FBN2: variants seen among roughly 807,000 people sequenced by gnomAD.
FBN2 encodes the protein fibrillin-2.
FBN2 carries 105 observed loss-of-function variants against 355.6 expected under a neutral mutation model. The observed-to-expected ratio is 0.30, with a 90% CI of 0.25 to 0.35. The LOEUF (loss-of-function observed/expected upper bound fraction) is 0.35, where lower values mean the gene tolerates loss of function less well. Ranked by LOEUF, FBN2 falls within the 10% of genes least tolerant of loss-of-function variation. The pLI is 1.00. For synonymous variants in FBN2, 1,350 were observed against 1,301.2 expected, an observed-to-expected ratio of 1.04 and a Z score of -0.81; for missense variants, 3,280 against 3,758.7, an observed-to-expected ratio of 0.87 and a Z score of 3.33.
At chr5:128,474,178 T>A (rs534164954) in intron 5 of FBN2, among the ~76,000 whole-genome samples, 66 of 152,296 alleles carry the variant, frequency 4.3e-4, no homozygotes, top group African/African-American at 1.5e-3. Flanking sequence ...GCAAAACCAA[T>A]TAACTTACTT....
intron 6 of FBN2, 67 bp downstream of exon 6, chr5:128,464,657 C>T: frequency 1.3e-6 from 2 of 1,546,428 alleles, no homozygotes; most frequent in Non-Finnish European, 1.8e-6. Context: ...GTGCCAGATT[C>T]TCCAACTCCA....
Position 128,537,360 on chromosome 5 carries a change from C to T in FBN2, c.244G>A (p.Val82Met), listed in dbSNP as rs550387143. ...SRVRRRGQQDVLRGPNVCGSR... is the reference protein window; with the variant it reads ...SRVRRRGQQDMLRGPNVCGSR... ...CGCTTGCCCACTTACCCTCGGAGCACGTCCTGCTGTCCTCGCCGGCGGACG... is the reference window on the plus strand; with the variant it reads ...CGCTTGCCCACTTACCCTCGGAGCATGTCCTGCTGTCCTCGCCGGCGGACG... The change falls in exon 1 of 65, where the codon GTG becomes ATG. Residue 82 changes from valine (V) to methionine (M), a missense_variant. This residue lies in a region of FBN2 where 203 missense variants were observed against 142.2 expected (regional missense o/e 1.43). Coordinates refer to ENST00000262464, the MANE Select transcript of FBN2 (RefSeq NM_001999.4). 17 of 1,610,626 alleles carry T rather than the reference C, an allele frequency of 1.1e-5. No homozygotes were observed. In the East Asian group the frequency reaches 3.3e-4, roughly 32 times the overall value.
rs1554120359 is a variant in FBN2 at position 128,311,415 on chromosome 5, T to G, written c.4959A>C (p.Glu1653Asp). Residue 1653 changes from glutamate (E) to aspartate (D), a missense_variant, in exon 39 of 65, where the codon GAA (glutamate) becomes GAC (aspartate). Coordinates refer to ENST00000262464, the MANE Select transcript of FBN2 (RefSeq NM_001999.4). ...GGCAGAGACCTGGTAACTCCTGGCA[T>G]TCGTCAATGTCTACAAAAAGGGAGA... ...PITIILEDID[E>D]CQELPGLCQG... 1.9e-6 allele frequency: 3 copies of G among 1,614,134 alleles called. No homozygotes were observed. Among genetic ancestry groups the G allele is most frequent in the Non-Finnish European group, 2.5e-6 (3 of 1,180,004 alleles).
At chr5:128,506,591 T>A (rs1755968609) in intron 5 of FBN2, among the ~76,000 whole-genome samples, 1 of 152,152 alleles carries the variant, frequency 6.6e-6, no homozygotes, top group Non-Finnish European at 1.5e-5. Context: ...AATAACATCA[T>A]CTACAAGTAA....
At chr5:128,421,716 G>C (rs1183907122) in intron 7 of FBN2, among the ~76,000 whole-genome samples, 1 of 152,092 alleles carries the variant, frequency 6.6e-6, no homozygotes, top group Non-Finnish European at 1.5e-5. Flanking sequence ...TTTGAAAGAA[G>C]GGAAGCAAGT....
intron 7 of FBN2, among the ~76,000 whole-genome samples, chr5:128,439,065 T>C (rs1753849005): frequency 6.6e-6 from 1 of 152,194 alleles, no homozygotes; most frequent in Admixed American, 6.5e-5. Context: ...TTTATATCAA[T>C]ATATAAAGTG....
chr5:128,316,479 G>A (rs1218933412), intron 36 of FBN2, among the ~76,000 whole-genome samples: 1 of 152,146 alleles, frequency 6.6e-6, no homozygotes, highest in Non-Finnish European at 1.5e-5. Context: ...ATGAGTGAAC[G>A]CAATAAAGTG....
intron 5 of FBN2, among the ~76,000 whole-genome samples, chr5:128,507,285 C>T (rs1436210796): frequency 5.9e-5 from 9 of 151,922 alleles, no homozygotes; most frequent in Non-Finnish European, 1.3e-4. Flanking sequence ...TTACAGCAGT[C>T]CCTTAGTATC....
At chr5:128,510,521 G>C (rs1756084859) in intron 5 of FBN2, among the ~76,000 whole-genome samples, 1 of 152,120 alleles carries the variant, frequency 6.6e-6, no homozygotes, top group African/African-American at 2.4e-5. Context: ...CATATATTCT[G>C]TTCTGTGTTT....
chr5:128,394,967 G>A (rs554359857), intron 9 of FBN2, among the ~76,000 whole-genome samples, 155 bp downstream of exon 9: 2 of 152,124 alleles, frequency 1.3e-5, no homozygotes, highest in Admixed American at 6.5e-5. Context: ...TGTATTTTTT[G>A]TAGAGACAGG....
chr5:128,408,408 T>A (rs767565854), intron 8 of FBN2, among the ~76,000 whole-genome samples: 40 of 152,214 alleles, frequency 2.6e-4, no homozygotes, highest in Admixed American at 5.9e-4. Flanking sequence ...AAGCAGATTT[T>A]AAAAAATTTT....
intron 5 of FBN2, among the ~76,000 whole-genome samples, chr5:128,500,340 A>G (rs1393254946): frequency 6.6e-6 from 1 of 151,958 alleles, no homozygotes; most frequent in African/African-American, 2.4e-5. Flanking sequence ...ATGTTTGAAA[A>G]ACAACAGACA....
chr5:128,372,208 T>C (rs1473141002), intron 15 of FBN2, among the ~76,000 whole-genome samples: 2 of 152,218 alleles, frequency 1.3e-5, no homozygotes, highest in Non-Finnish European at 2.9e-5. Flanking sequence ...GTAGTTATCA[T>C]GTTGCCTGAC....
chr5:128,520,148 G>A (rs1458292733), intron 4 of FBN2, among the ~76,000 whole-genome samples: 4 of 152,088 alleles, frequency 2.6e-5, no homozygotes, highest in South Asian at 2.1e-4. Context: ...TGTGACCTGG[G>A]AGACCAGGAG....
intron 34 of FBN2, among the ~76,000 whole-genome samples, chr5:128,322,362 G>A (rs1750403326): frequency 2.0e-5 from 3 of 152,134 alleles, no homozygotes; most frequent in Admixed American, 2.0e-4. Context: ...CTTTGCCCAT[G>A]CCTATGTCTT....
chr5:128,279,304 T>C (rs1001729044), intron 56 of FBN2, among the ~76,000 whole-genome samples: 9 of 152,112 alleles, frequency 5.9e-5, no homozygotes, highest in African/African-American at 2.2e-4. Flanking sequence ...GAGTAGATTT[T>C]ATAAAAATAT....
chr5:128,410,736 T>G (rs1028471241), intron 7 of FBN2, among the ~76,000 whole-genome samples: 1 of 152,118 alleles, frequency 6.6e-6, no homozygotes, highest in African/African-American at 2.4e-5. Context: ...ACATGTGGAG[T>G]GACATTAAAT....
chr5:128,512,195 C>T (rs6595834), intron 5 of FBN2, among the ~76,000 whole-genome samples: 24,634 of 152,072 alleles, frequency 0.16, 3,635 homozygotes, highest in African/African-American at 0.39. Flanking sequence ...CTCTCTCTCA[C>T]CCATTAGGAC....
intron 9 of FBN2, 78 bp from the exon 10 acceptor site, chr5:128,393,446 A>T: frequency 1.6e-6 from 2 of 1,260,116 alleles, no homozygotes; most frequent in South Asian, 2.4e-5. Context: ...CACTGTACTA[A>T]GTCACTTTGG....
Sources: allele counts gnomAD v4.1 joint callset (sites outside exome capture counted in the v4.1 genomes callset), GRCh38; gene constraint gnomAD v4.1.1; regional missense constraint gnomAD v4.1.1; transcripts MANE v1.5; gene names NCBI Gene and HGNC (gene_info 2026-07-23, HGNC 2026-07-21).